PRKN: variants seen among roughly 807,000 people sequenced by gnomAD.
PRKN encodes the protein parkin RBR E3 ubiquitin protein ligase.
A neutral mutation model predicts 59.5 loss-of-function variants in PRKN; 56 were observed. The observed-to-expected ratio is 0.94, with a 90% CI of 0.76 to 1.18. The LOEUF (loss-of-function observed/expected upper bound fraction) is 1.18. Ranked by LOEUF, PRKN falls within the 50% of genes most tolerant of loss-of-function variation. The pLI, the probability that PRKN is intolerant of heterozygous loss-of-function variation, is 0.00. For missense variants in PRKN, 657 were observed against 596.4 expected (o/e 1.10, Z -1.06); for synonymous variants, 250 against 222.1 (o/e 1.13, Z -1.12).
At chr6:161,699,610 T>C (rs1786168595) in intron 7 of PRKN, among the ~76,000 whole-genome samples, 1 of 152,176 alleles carries the variant, frequency 6.6e-6, no homozygotes, top group South Asian at 2.1e-4. Flanking sequence ...CCAGACCTAA[T>C]AAGAGTACAG....
intron 2 of PRKN, among the ~76,000 whole-genome samples, chr6:162,421,066 A>C (rs1361378721): frequency 2.0e-5 from 3 of 152,176 alleles, no homozygotes; most frequent in Admixed American, 6.5e-5. Context: ...ACAGCTCACC[A>C]CCGCTTTCTT....
intron 4 of PRKN, among the ~76,000 whole-genome samples, chr6:162,147,186 C>T (rs1782066786): frequency 6.6e-6 from 1 of 150,860 alleles, no homozygotes; most frequent in South Asian, 2.1e-4. Flanking sequence ...ACTAAAAACA[C>T]AAAAATTACC....
At chr6:162,425,445 CA>C (rs1789188807) in intron 2 of PRKN, among the ~76,000 whole-genome samples, 2 of 152,048 alleles carry the variant, frequency 1.3e-5, no homozygotes, top group Admixed American at 6.6e-5. Flanking sequence ...GAATTTTGTA[CA>C]GATATCATTA....
intron 1 of PRKN, among the ~76,000 whole-genome samples, chr6:162,579,017 T>G (rs1780672832): frequency 1.3e-5 from 2 of 152,318 alleles, no homozygotes; most frequent in South Asian, 4.1e-4. Flanking sequence ...ATATGTTTCT[T>G]TAGTCATCAG....
At chr6:161,394,053 G>A (rs140810682) in intron 9 of PRKN, among the ~76,000 whole-genome samples, 60 of 152,294 alleles carry the variant, frequency 3.9e-4, no homozygotes, top group African/African-American at 1.4e-3. Context: ...TATCAAGAGA[G>A]GAAGTCTCCC....
At chr6:161,930,894 G>A (rs1779148172) in intron 6 of PRKN, among the ~76,000 whole-genome samples, 1 of 152,196 alleles carries the variant, frequency 6.6e-6, no homozygotes, top group South Asian at 2.1e-4. Context: ...ATGGGCCCAG[G>A]AATGGCAGCA....
intron 8 of PRKN, among the ~76,000 whole-genome samples, chr6:161,557,559 G>T (rs1715525554): frequency 6.6e-6 from 1 of 152,124 alleles, no homozygotes; most frequent in African/African-American, 2.4e-5. Context: ...GGGAAACCAA[G>T]CGTAAACATC....
intron 2 of PRKN, among the ~76,000 whole-genome samples, chr6:162,271,065 C>T (rs1780366705): frequency 1.4e-5 from 2 of 145,652 alleles, no homozygotes; most frequent in African/African-American, 5.3e-5. Flanking sequence ...CTTATGCTGC[C>T]CAGGCTGGTC....
intron 7 of PRKN, among the ~76,000 whole-genome samples, chr6:161,635,405 C>T (rs547573231): frequency 6.6e-6 from 1 of 152,154 alleles, no homozygotes; most frequent in Non-Finnish European, 1.5e-5. Flanking sequence ...TTTACATGTG[C>T]TGACAGATGG....
chr6:162,672,082 T>C (rs1023205717), intron 1 of PRKN, among the ~76,000 whole-genome samples: 1 of 152,154 alleles, frequency 6.6e-6, no homozygotes, highest in Non-Finnish European at 1.5e-5. Flanking sequence ...TTGAACTTAA[T>C]GTGGTAGAGA....
chr6:161,697,148 G>C (rs1786055193), intron 7 of PRKN, among the ~76,000 whole-genome samples: 1 of 152,186 alleles, frequency 6.6e-6, no homozygotes. Context: ...TAGCAGCAAA[G>C]TATGAGTGGA....
At chr6:162,429,364 T>A (rs966716642) in intron 2 of PRKN, among the ~76,000 whole-genome samples, 7 of 152,118 alleles carry the variant, frequency 4.6e-5, no homozygotes, top group African/African-American at 1.4e-4. Context: ...GTCTTACCCA[T>A]CACCGGAAGA....
chr6:161,678,611 A>C (rs896048844), intron 7 of PRKN, among the ~76,000 whole-genome samples: 4 of 125,816 alleles, frequency 3.2e-5, no homozygotes, highest in South Asian at 2.4e-4. Context: ...TTGCTCTCTC[A>C]CCCAGACTGG....
At chr6:162,688,781 G>A (rs1006091422) in intron 1 of PRKN, among the ~76,000 whole-genome samples, 6 of 152,160 alleles carry the variant, frequency 3.9e-5, no homozygotes, top group African/African-American at 1.4e-4. Flanking sequence ...TTAATACATA[G>A]GAGAATATAC....
rs961246596 is a variant in PRKN at position 161,470,855 on chromosome 6, T to C, written c.1083+77999A>G. Reference sequence around the variant, plus strand: ...GAGATTTGTGGGCTGGGTGTCTGCCTATGTGTGTGCAGAGAACCTTCTAGG... The same window carrying C: ...GAGATTTGTGGGCTGGGTGTCTGCCCATGTGTGTGCAGAGAACCTTCTAGG... On this transcript the variant is annotated intron_variant, in intron 9 of 11. Transcript: ENST00000366898. This position sits in a 1 kb window ranked among gnomAD's most constrained non-coding sequence, Gnocchi z 5.1. 6.6e-6 allele frequency among the ~76,000 whole-genome samples: 1 copy of C among 152,088 alleles called. No individual in the cohort carries two copies. The highest frequency in any genetic ancestry group is 1.5e-5 in the Non-Finnish European group (1 of 68,020).
In PRKN at chr6:161,417,295, C is replaced by G. The variant is rs556811464; in HGVS notation, c.1084-30418G>C. On this transcript the variant is annotated intron_variant, in intron 9 of 11. Coordinates refer to ENST00000366898, the MANE Select transcript of PRKN (RefSeq NM_004562.3). This position sits in a 1 kb window ranked among gnomAD's most constrained non-coding sequence, Gnocchi z 5.4. The stretch of plus-strand genomic sequence containing the variant: ...TGAAACCCTGTCTCTACTAAAAATA[C>G]AAAAATTAGCCGGGTGTGGTGGCGC... Among the ~76,000 whole-genome samples the G allele has an allele frequency of 1.6e-4, 25 of 152,154 alleles. No homozygotes were observed. Among genetic ancestry groups the G allele is most frequent in the African/African-American group, 5.8e-4 (24 of 41,496 alleles).
In PRKN at chr6:162,101,533, G is replaced by A. The variant is rs190133320; in HGVS notation, c.535-47359C>T. On this transcript the variant is annotated intron_variant, in intron 4 of 11. Coordinates refer to ENST00000366898, the MANE Select transcript of PRKN (RefSeq NM_004562.3). ...AAAAAAATACAAAAATTAGCCGGGC[G>A]TGGTGGCGGGCGCCTGCAGTCCCAG... Among the ~76,000 whole-genome samples, 569 of 151,972 alleles carry A rather than the reference G, an allele frequency of 3.7e-3. 6 individuals carry two copies. The highest frequency in any genetic ancestry group is 0.022 in the South Asian group (104 of 4,818).
chr6:162,243,791 A>G (rs1583256943), intron 3 of PRKN, among the ~76,000 whole-genome samples: 2 of 152,138 alleles, frequency 1.3e-5, no homozygotes, highest in African/African-American at 2.4e-5. Context: ...TAATTATTCA[A>G]TGCAAATTAG....
At chr6:162,467,166 C>T (rs933478804) in intron 1 of PRKN, among the ~76,000 whole-genome samples, 4 of 152,116 alleles carry the variant, frequency 2.6e-5, no homozygotes, top group Admixed American at 2.0e-4. Flanking sequence ...TCACTCGGCA[C>T]ACCCTAACCT....
Sources: allele counts gnomAD v4.1 joint callset (sites outside exome capture counted in the v4.1 genomes callset), GRCh38; gene constraint gnomAD v4.1.1; non-coding constraint Gnocchi (gnomAD v3.1); transcripts MANE v1.5; gene names NCBI Gene and HGNC (gene_info 2026-07-23, HGNC 2026-07-21).